Variants in ESRRB observed in about 807,000 individuals in gnomAD.
The protein encoded by ESRRB is steroid hormone receptor ERR2.
A neutral mutation model predicts 46.0 loss-of-function variants in ESRRB; 16 were observed. That is an observed-to-expected ratio of 0.35 (90% CI 0.24 to 0.53). ESRRB has a LOEUF of 0.53. Ranked by LOEUF, ESRRB falls within the 20% of genes least tolerant of loss-of-function variation. The pLI is 0.93. For synonymous variants in ESRRB, 246 were observed against 259.6 expected (o/e 0.95, Z 0.50); for missense variants, 488 against 607.4 (o/e 0.80, Z 2.07).
At chr14:76,396,630 A>C (rs1375287498) in intron 1 of ESRRB, among the ~76,000 whole-genome samples, 1 of 152,246 alleles carries the variant, frequency 6.6e-6, no homozygotes, top group South Asian at 2.1e-4. Flanking sequence ...CTGGACACAC[A>C]GTCCTCTAGA....
intron 1 of ESRRB, among the ~76,000 whole-genome samples, chr14:76,387,620 G>A (rs1178611395): frequency 2.6e-5 from 4 of 152,276 alleles, no homozygotes; most frequent in Middle Eastern, 3.4e-3. Context: ...CACTGCCTCC[G>A]TGGCTTGCCT....
At chr14:76,484,767 G>C (rs2140036337) in intron 5 of ESRRB, among the ~76,000 whole-genome samples, 1 of 152,374 alleles carries the variant, frequency 6.6e-6, no homozygotes, top group African/African-American at 2.4e-5. Context: ...TAAAGGCATA[G>C]ACTTTGGAAT....
rs181536376 is a variant in ESRRB at position 76,456,469 on chromosome 14, G to A, written c.461-6076G>A. Among the ~76,000 whole-genome samples, 764 of 152,320 alleles carry A rather than the reference G, an allele frequency of 5.0e-3. 2 individuals carry two copies. The highest frequency in any genetic ancestry group is 9.9e-3 in the Admixed American group (151 of 15,292). On this transcript the variant is annotated intron_variant, in intron 2 of 6. Coordinates refer to ENST00000644823, the MANE Select transcript of ESRRB (RefSeq NM_001379180.1). Reference sequence around the variant, plus strand: ...TAGTGCAGGACCATGGTCGCAAGGGGTGATGAGTGTGGAACTAGGACTGTT... The same window carrying A: ...TAGTGCAGGACCATGGTCGCAAGGGATGATGAGTGTGGAACTAGGACTGTT...
intron 1 of ESRRB, among the ~76,000 whole-genome samples, chr14:76,314,606 T>G (rs1310807944): frequency 6.6e-6 from 1 of 152,126 alleles, no homozygotes; most frequent in Non-Finnish European, 1.5e-5. Context: ...TGTGTTTGGG[T>G]CTGAATCCCT....
chr14:76,370,966 A>T (rs1884608933), upstream of ESRRB, among the ~76,000 whole-genome samples: 1 of 152,194 alleles, frequency 6.6e-6, no homozygotes, highest in Non-Finnish European at 1.5e-5. Context: ...AAATATCTGG[A>T]AGTTATTCCA....
intron 1 of ESRRB, among the ~76,000 whole-genome samples, chr14:76,432,650 G>A (rs1018840344): frequency 7.0e-6 from 1 of 142,402 alleles, no homozygotes; most frequent in Non-Finnish European, 1.5e-5. Flanking sequence ...CACTCTTACT[G>A]AATAAGCTAT....
At chr14:76,420,142 G>T (rs74987288) in intron 1 of ESRRB, among the ~76,000 whole-genome samples, 1 of 152,148 alleles carries the variant, frequency 6.6e-6, no homozygotes, top group Admixed American at 6.5e-5. Context: ...AAACCAGCAT[G>T]AGCAAATGAG....
At chr14:76,373,543 T>G (rs116211899), upstream of ESRRB, among the ~76,000 whole-genome samples, 1,208 of 152,276 alleles carry the variant, frequency 7.9e-3, 20 homozygotes, top group African/African-American at 0.028. Flanking sequence ...GTGGGCCCCA[T>G]GCACAGTGTG....
At chr14:76,355,887 C>T (rs1337818041) in intron 1 of ESRRB, among the ~76,000 whole-genome samples, 2 of 152,308 alleles carry the variant, frequency 1.3e-5, no homozygotes, top group Middle Eastern at 3.4e-3. Flanking sequence ...TATTCTCTCT[C>T]ACCCCACCCT....
At chr14:76,391,066 T>C (rs911813449) in intron 1 of ESRRB, among the ~76,000 whole-genome samples, 2 of 152,174 alleles carry the variant, frequency 1.3e-5, no homozygotes, top group Non-Finnish European at 2.9e-5. Flanking sequence ...CTCCTCTGGC[T>C]TTGGAAGTGG....
chr14:76,405,937 T>A lies in ESRRB; in HGVS notation c.50+29486T>A, dbSNP rs140961585. 4.6e-5 allele frequency among the ~76,000 whole-genome samples: 7 copies of A among 152,048 alleles called. No individual in the cohort carries two copies. In the East Asian group the frequency reaches 1.4e-3, roughly 29 times the overall value. The stretch of plus-strand genomic sequence containing the variant: ...CTGTCTCAGAAAAAGGGAAAGAAAA[T>A]CTAACCTATAAATTATTTTCTAACA... On this transcript the variant is annotated intron_variant, in intron 1 of 6. Transcript: ENST00000644823.
At chr14:76,436,461 C>G (rs1887678334) in intron 1 of ESRRB, among the ~76,000 whole-genome samples, 1 of 152,140 alleles carries the variant, frequency 6.6e-6, no homozygotes, top group Admixed American at 6.5e-5. Flanking sequence ...GCTGAAGACC[C>G]CTGGGATCTG....
chr14:76,424,646 A>C (rs1046395729), intron 1 of ESRRB, among the ~76,000 whole-genome samples: 16 of 152,316 alleles, frequency 1.1e-4, no homozygotes, highest in African/African-American at 3.8e-4. Context: ...GCAGAAGTAT[A>C]GTGTCTAGGA....
At chr14:76,472,347 CA>C (rs1235793069) in intron 3 of ESRRB, among the ~76,000 whole-genome samples, 2 of 152,276 alleles carry the variant, frequency 1.3e-5, no homozygotes, top group East Asian at 3.9e-4. Context: ...TGATAGCAGA[CA>C]CTCCTTTAAT....
intron 1 of ESRRB, among the ~76,000 whole-genome samples, chr14:76,392,440 C>T (rs1027967708): frequency 3.9e-5 from 6 of 152,194 alleles, no homozygotes; most frequent in Non-Finnish European, 5.9e-5. Flanking sequence ...TCCTGTCCCC[C>T]GTTTACAGAG....
At position 76,376,715 on chromosome 14, in the gene ESRRB, TTCTC is replaced by T. The variant is rs1485995454; in HGVS notation, c.50+269_50+272del. Among the ~76,000 whole-genome samples the T allele has an allele frequency of 6.6e-6, 1 of 152,128 alleles. No homozygotes were observed. The highest frequency in any genetic ancestry group is 1.5e-5 in the Non-Finnish European group (1 of 68,016). On this transcript the variant is annotated intron_variant, in intron 1 of 6. Transcript: ENST00000644823. This position sits in a 1 kb window ranked among gnomAD's most constrained non-coding sequence, Gnocchi z 4.1. ...GCGCTTTCTCATGCACTTTCTCCCTTTCTCTCTCCTCTCTGATCTTGCTCCGGGG... is the reference window on the plus strand; with the variant it reads ...GCGCTTTCTCATGCACTTTCTCCCTTTCTCCTCTCTGATCTTGCTCCGGGG...
At chr14:76,380,575 A>G (rs900447885) in intron 1 of ESRRB, among the ~76,000 whole-genome samples, 1 of 152,190 alleles carries the variant, frequency 6.6e-6, no homozygotes, top group Non-Finnish European at 1.5e-5. Context: ...GGTGTTCCCC[A>G]ACACCTACCG....
At chr14:76,433,087 T>C (rs1430448986) in intron 1 of ESRRB, among the ~76,000 whole-genome samples, 1 of 152,122 alleles carries the variant, frequency 6.6e-6, no homozygotes, top group Admixed American at 6.6e-5. Flanking sequence ...GAATCACAGC[T>C]GCACCACCAA....
intron 5 of ESRRB, among the ~76,000 whole-genome samples, chr14:76,483,626 C>T (rs1889893735): frequency 6.6e-6 from 1 of 152,134 alleles, no homozygotes; most frequent in East Asian, 1.9e-4. Context: ...ACATTGGGGG[C>T]CTTTCTCTGT....
Sources: gnomAD v4.1 joint callset for allele counts (sites outside exome capture counted in the v4.1 genomes callset) on GRCh38, gnomAD v4.1.1 for gene constraint, Gnocchi (gnomAD v3.1) non-coding constraint, MANE v1.5 for transcripts, NCBI Gene and HGNC (gene_info 2026-07-23, HGNC 2026-07-21) for gene names.